KYNU: variants seen among roughly 807,000 people sequenced by gnomAD.
The protein encoded by KYNU is L-kynurenine hydrolase.
A neutral mutation model predicts 59.2 loss-of-function variants in KYNU; 54 were observed. That is an observed-to-expected ratio of 0.91 (90% CI 0.73 to 1.14). KYNU has a LOEUF of 1.14. Ranked by LOEUF, KYNU falls within the 50% of genes most tolerant of loss-of-function variation. The pLI is 0.00. For synonymous variants in KYNU, 177 were observed against 192.0 expected (o/e 0.92, Z 0.65); for missense variants, 567 against 554.4 (o/e 1.02, Z -0.23).
intron 7 of KYNU, among the ~76,000 whole-genome samples, chr2:142,958,955 C>G (rs893358743): frequency 2.6e-5 from 4 of 151,236 alleles, no homozygotes; most frequent in African/African-American, 9.7e-5. Context: ...ATTTTACTTA[C>G]AATTAATGAC....
intron 2 of KYNU, among the ~76,000 whole-genome samples, chr2:142,899,652 G>A (rs1349091467): frequency 0.025 from 3 of 122 alleles, no homozygotes; most frequent in South Asian, 0.5. Flanking sequence ...CATGGGCTAG[G>A]AGGCTGTCCA....
At chr2:143,017,263 C>G (rs1365841932) in intron 10 of KYNU, among the ~76,000 whole-genome samples, 1 of 151,470 alleles carries the variant, frequency 6.6e-6, no homozygotes, top group Non-Finnish European at 1.5e-5. Context: ...GGATATGTAC[C>G]CAGTAATGAG....
rs192114211 is a variant in KYNU, at chr2:142,930,935, C to T, written c.373+3194C>T. Among the ~76,000 whole-genome samples, 335 of 152,206 alleles carry T rather than the reference C, an allele frequency of 2.2e-3. 1 individual carries two copies. The highest frequency in any genetic ancestry group is 3.6e-3 in the Non-Finnish European group (247 of 67,996). ...GTTTTAATGAGCGCCTGGGTGCAGG[C>T]GGGCTGAGGCCTAAAATGGCATCAG... On this transcript the variant is annotated intron_variant, in intron 4 of 13. Coordinates refer to ENST00000264170, the MANE Select transcript of KYNU (RefSeq NM_003937.3).
chr2:143,018,930 C>T (rs1686333964), intron 10 of KYNU, among the ~76,000 whole-genome samples: 1 of 151,900 alleles, frequency 6.6e-6, no homozygotes, highest in Non-Finnish European at 1.5e-5. Context: ...ATTTTGTTCT[C>T]AGCTTGATTG....
rs1471231647 is a variant in KYNU at position 143,048,189 on chromosome 2, T to C, written c.*6017T>C. On this transcript the variant is annotated 3_prime_UTR_variant, in exon 14 of 14. Transcript: ENST00000264170. ...TATTTATTTTCCTCTGTTTTTCTTC[T>C]TTTGGATTTAGGGATGTGTGTGTGG... The C allele has an allele frequency of 6.6e-6, 1 of 152,224 alleles. No individual in the cohort carries two copies. Among genetic ancestry groups the C allele is most frequent in the Non-Finnish European group, 1.5e-5 (1 of 68,066 alleles). The allele number at this position is 152,224 out of a possible 1,614,324, so 9.4% of individuals were successfully genotyped here.
rs1176891151 is a variant in KYNU at position 143,051,570 on chromosome 2, A to C, written c.*9398A>C. ...TTGTGGGAAGGACCTGGTAAGAGGT[A>C]ATTGAATCATGGGGGCAGGACTTTC... On this transcript the variant is annotated 3_prime_UTR_variant, in exon 14 of 14. Coordinates refer to ENST00000264170, the MANE Select transcript of KYNU (RefSeq NM_003937.3). 2 of 152,150 alleles carry C rather than the reference A, an allele frequency of 1.3e-5. No homozygotes were observed. Among genetic ancestry groups the C allele is most frequent in the Non-Finnish European group, 2.9e-5 (2 of 68,022 alleles). The allele number at this position is 152,150 out of a possible 1,614,324, so 9.4% of individuals were successfully genotyped here.
intron 4 of KYNU, among the ~76,000 whole-genome samples, chr2:142,949,681 T>C (rs1281652473): frequency 6.6e-6 from 1 of 152,176 alleles, no homozygotes; most frequent in African/African-American, 2.4e-5. Context: ...CACTTTTTCC[T>C]CCTAGCCCTC....
At chr2:142,918,572 ATTTTTTT>A (rs35434351) in intron 2 of KYNU, 30 bp from the exon 3 acceptor site, 3 of 1,310,852 alleles carry the variant, frequency 2.3e-6, no homozygotes, top group Non-Finnish European at 2.0e-6. Context: ...AAAAGCTTTT[ATTTTTTT>A]TTTTTTTTTT....
intron 10 of KYNU, among the ~76,000 whole-genome samples, chr2:143,010,798 A>C: frequency 7.0e-6 from 1 of 142,906 alleles, no homozygotes. Flanking sequence ...CCTGAGAAAA[A>C]CAAGCAATGG....
chr2:142,909,014 C>G (rs1272891740), intron 2 of KYNU, among the ~76,000 whole-genome samples: 1 of 152,122 alleles, frequency 6.6e-6, no homozygotes, highest in African/African-American at 2.4e-5. Flanking sequence ...AGTAACATAT[C>G]AATATATGTA....
At chr2:142,915,084 A>G (rs1422192577) in intron 2 of KYNU, among the ~76,000 whole-genome samples, 4 of 152,220 alleles carry the variant, frequency 2.6e-5, no homozygotes, top group African/African-American at 9.6e-5. Flanking sequence ...ATATACTGCA[A>G]AAGGGTCATA....
In KYNU at chr2:143,044,445, C is replaced by A. The variant is rs1687131996; in HGVS notation, c.*2273C>A. 6.6e-6 allele frequency: 1 copy of A among 152,192 alleles called. No individual in the cohort carries two copies. 9.4% of individuals were successfully genotyped at this position (152,192 alleles called of 1,614,324 possible). A position where few individuals can be genotyped will look rare whatever the true frequency, so the allele number is the denominator to read the frequency against. ...CAATGGTTGAACTAATTTATACTCC[C>A]ACCAACAGTGTAAAAGCATTCCTAT... On this transcript the variant is annotated 3_prime_UTR_variant, in exon 14 of 14. Coordinates refer to ENST00000264170, the MANE Select transcript of KYNU (RefSeq NM_003937.3).
intron 10 of KYNU, among the ~76,000 whole-genome samples, chr2:143,019,411 A>T (rs1686346271): frequency 6.6e-6 from 1 of 152,068 alleles, no homozygotes; most frequent in African/African-American, 2.4e-5. Flanking sequence ...TTTGTCCTAG[A>T]TTGTGTTCAT....
At chr2:142,938,473 G>T (rs999671042) in intron 4 of KYNU, among the ~76,000 whole-genome samples, 1 of 152,190 alleles carries the variant, frequency 6.6e-6, no homozygotes, top group Non-Finnish European at 1.5e-5. Context: ...CAGCCAGGTT[G>T]TTTACAGCTC....
At chr2:142,956,491 A>G (rs1334409624) in intron 6 of KYNU, among the ~76,000 whole-genome samples, 1 of 152,184 alleles carries the variant, frequency 6.6e-6, no homozygotes, top group Non-Finnish European at 1.5e-5. Flanking sequence ...TGGAATAGGA[A>G]CATTGATTTA....
intron 8 of KYNU, among the ~76,000 whole-genome samples, chr2:142,968,805 C>G (rs1684624878): frequency 6.6e-6 from 1 of 151,968 alleles, no homozygotes; most frequent in African/African-American, 2.4e-5. Flanking sequence ...CCCAGCTACT[C>G]AGGAGGCTGA....
At chr2:143,015,625 T>G (rs549135645) in intron 10 of KYNU, among the ~76,000 whole-genome samples, 3 of 152,268 alleles carry the variant, frequency 2.0e-5, no homozygotes, top group African/African-American at 7.2e-5. Flanking sequence ...TGACATTCCT[T>G]CTTTCTTCCT....
intron 10 of KYNU, among the ~76,000 whole-genome samples, chr2:143,020,260 A>G (rs932619407): frequency 6.6e-6 from 1 of 151,960 alleles, no homozygotes; most frequent in African/African-American, 2.4e-5. Context: ...TGATGTAGGC[A>G]TTTATTGCCA....
rs1367039379 is a variant in KYNU at position 143,047,587 on chromosome 2, C to T, written c.*5415C>T. ...TCTTTCTTTCTCACAGGGTGTCACTCTGTTGCCCAGGCGGAGTGCAGTGGC... is the reference window on the plus strand; with the variant it reads ...TCTTTCTTTCTCACAGGGTGTCACTTTGTTGCCCAGGCGGAGTGCAGTGGC... On this transcript the variant is annotated 3_prime_UTR_variant, in exon 14 of 14. Transcript: ENST00000264170. 1 of 151,634 alleles carries T rather than the reference C, an allele frequency of 6.6e-6. No homozygotes were observed. The highest frequency in any genetic ancestry group is 1.5e-5 in the Non-Finnish European group (1 of 67,978). 9.4% of individuals were successfully genotyped at this position (151,634 alleles called of 1,614,324 possible).
Sources: gnomAD v4.1 joint callset for allele counts (sites outside exome capture counted in the v4.1 genomes callset) on GRCh38, gnomAD v4.1.1 for gene constraint, MANE v1.5 for transcripts, NCBI Gene and HGNC (gene_info 2026-07-23, HGNC 2026-07-21) for gene names.